The following FAM200B variants were observed in gnomAD, a reference collection of about 807,000 sequenced individuals.
FAM200B encodes the protein protein FAM200B.
Under a neutral mutation model 33.1 loss-of-function variants are expected in FAM200B, and 32 were observed. That is an observed-to-expected ratio of 0.97 (90% CI 0.73 to 1.30). The LOEUF (loss-of-function observed/expected upper bound fraction) is 1.30, where lower values mean the gene tolerates loss of function less well. Among genes scored for constraint, FAM200B ranks in the 50% most tolerant of loss-of-function variants. The probability of loss-of-function intolerance (pLI) is 0.00; values close to 1 mark genes in which losing one functional copy is unlikely to be tolerated. For missense variants in FAM200B, 741 were observed against 754.0 expected (o/e 0.98, Z 0.20); for synonymous variants, 240 against 264.8 (o/e 0.91, Z 0.91).
chr4:15,677,862 C>T (rs1718052733), upstream of FAM200B, among the ~76,000 whole-genome samples: 1 of 152,114 alleles, frequency 6.6e-6, no homozygotes, highest in Non-Finnish European at 1.5e-5. Context: ...GGAAGAAGTC[C>T]AAGTAGGTTG....
At chr4:15,663,784 T>C in the FAM200B span, among the ~76,000 whole-genome samples, 1 of 152,338 alleles carries the variant, frequency 6.6e-6, no homozygotes, top group South Asian at 2.1e-4. Context: ...ACAGATTCAG[T>C]AAGTCCAAAA....
chr4:15,640,023 G>T, the FAM200B span, among the ~76,000 whole-genome samples: 1 of 152,076 alleles, frequency 6.6e-6, no homozygotes, highest in Non-Finnish European at 1.5e-5. Context: ...ATGTACAGTA[G>T]GCTTAAGATA....
chr4:15,637,506 C>T, the FAM200B span, among the ~76,000 whole-genome samples: 1 of 152,144 alleles, frequency 6.6e-6, no homozygotes, highest in Admixed American at 6.5e-5. Flanking sequence ...GCTATGATCA[C>T]ATTCTTTAAA....
chr4:15,682,382 T>A (rs1033221891), intron 1 of FAM200B, among the ~76,000 whole-genome samples: 1 of 152,044 alleles, frequency 6.6e-6, no homozygotes, highest in Non-Finnish European at 1.5e-5. Flanking sequence ...AGAAAAAAGG[T>A]AGAAACAAAA....
At position 15,687,198 on chromosome 4, in the gene FAM200B, A is replaced by G; in HGVS notation, c.221A>G (p.Lys74Arg). The change falls in exon 2 of 2, where the codon AAA becomes AGA. Residue 74 changes from lysine (K) to arginine (R), a missense_variant. Coordinates refer to ENST00000422728, the MANE Select transcript of FAM200B (RefSeq NM_001145191.2). ...NEDYLKYGFI[K>R]CEKPFENDRP... ...GATTACTTAAAATATGGCTTTATCA[A>G]ATGTGAAAAACCCTTTGAAAATGAC... The G allele has an allele frequency of 6.5e-7, 1 of 1,538,190 alleles. No individual in the cohort carries two copies. The highest frequency in any genetic ancestry group is 8.8e-7 in the Non-Finnish European group (1 of 1,140,844).
chr4:15,687,539 G>T lies in FAM200B; in HGVS notation c.562G>T (p.Ala188Ser). 4 of 1,550,370 alleles carry T rather than the reference G, an allele frequency of 2.6e-6. No individual in the cohort carries two copies. Among genetic ancestry groups the T allele is most frequent in the Non-Finnish European group, 3.5e-6 (4 of 1,146,356 alleles). Residue 188 changes from alanine (A) to serine (S), a missense_variant, in exon 2 of 2, where the codon GCT becomes TCT. Coordinates refer to ENST00000422728, the MANE Select transcript of FAM200B (RefSeq NM_001145191.2). ...MVRTIFDDKS[A>S]DKLKTIPNDN... ...GCGTACAATATTTGATGATAAATCA[G>T]CTGATAAATTAAAAACTATACCTAA...
chr4:15,662,133 A>T, the FAM200B span, among the ~76,000 whole-genome samples: 1 of 150,574 alleles, frequency 6.6e-6, no homozygotes, highest in Non-Finnish European at 1.5e-5. Context: ...CAACCCCAGT[A>T]CAGTGTGGGA....
chr4:15,652,359 C>T, the FAM200B span, among the ~76,000 whole-genome samples: 1 of 152,160 alleles, frequency 6.6e-6, no homozygotes, highest in African/African-American at 2.4e-5. Flanking sequence ...CTACCACTAG[C>T]TGCTTATGTA....
the FAM200B span, among the ~76,000 whole-genome samples, chr4:15,645,191 T>C: frequency 6.6e-6 from 1 of 152,054 alleles, no homozygotes; most frequent in African/African-American, 2.4e-5. Context: ...AGCTGTCTTA[T>C]TGCCTATTAT....
chr4:15,665,958 T>A, the FAM200B span, among the ~76,000 whole-genome samples: 1 of 151,972 alleles, frequency 6.6e-6, no homozygotes, highest in African/African-American at 2.4e-5. Flanking sequence ...GGAAGCTGAA[T>A]CACTTCCTTG....
At chr4:15,654,447 A>T in the FAM200B span, among the ~76,000 whole-genome samples, 2 of 152,198 alleles carry the variant, frequency 1.3e-5, no homozygotes. Flanking sequence ...TGGTTCTCAC[A>T]GTTAAACCAA....
chr4:15,673,568 T>C, the FAM200B span, among the ~76,000 whole-genome samples: 1 of 152,216 alleles, frequency 6.6e-6, no homozygotes, highest in Non-Finnish European at 1.5e-5. Context: ...TCCAGCTCCA[T>C]TATAATCTTA....
the FAM200B span, among the ~76,000 whole-genome samples, chr4:15,664,550 C>CTTT: frequency 0.011 from 794 of 75,478 alleles, 8 homozygotes; most frequent in East Asian, 0.015. Context: ...GGCCCTCATC[C>CTTT]TTTTTTTTTT....
chr4:15,674,429 T>C, the FAM200B span, among the ~76,000 whole-genome samples: 9 of 152,140 alleles, frequency 5.9e-5, no homozygotes, highest in African/African-American at 2.2e-4. Flanking sequence ...CATAGCACAC[T>C]CATCACTTTA....
the FAM200B span, among the ~76,000 whole-genome samples, chr4:15,639,969 A>G: frequency 0.28 from 42,865 of 152,082 alleles, 6,268 homozygotes; most frequent in East Asian, 0.47. Flanking sequence ...GACAGAAGAA[A>G]AAGGGAAAAC....
the FAM200B span, among the ~76,000 whole-genome samples, chr4:15,668,461 ATT>A: frequency 1.7e-4 from 26 of 150,160 alleles, no homozygotes; most frequent in Middle Eastern, 6.9e-3. Context: ...ACATTCTTTT[ATT>A]TTTTTTTGTA....
Position 15,686,941 on chromosome 4 carries a change from T to C in FAM200B, c.-37T>C. Reference sequence around the variant, plus strand: ...TTCTTTTTTGAGTTAGTGCCAATTATAACATTTTAATCAAACTGGAACAAA... The same window carrying C: ...TTCTTTTTTGAGTTAGTGCCAATTACAACATTTTAATCAAACTGGAACAAA... On this transcript the variant is annotated 5_prime_UTR_variant, in exon 2 of 2. Transcript: ENST00000422728. The C allele has an allele frequency of 1.3e-5, 14 of 1,115,650 alleles. No homozygotes were observed. The highest frequency in any genetic ancestry group is 1.6e-5 in the African/African-American group (1 of 62,700). The allele number at this position is 1,115,650 out of a possible 1,614,324, so 69.1% of individuals were successfully genotyped here.
chr4:15,644,251 T>C, the FAM200B span, among the ~76,000 whole-genome samples: 1 of 152,224 alleles, frequency 6.6e-6, no homozygotes, highest in Non-Finnish European at 1.5e-5. Context: ...ACTTTGCCCC[T>C]TGGATATAAA....
chr4:15,689,120 C>T lies in FAM200B; in HGVS notation c.*169C>T, dbSNP rs1314504165. Reference sequence around the variant, plus strand: ...CATTGAACAAAAATTTAATGAATTTCTGTTAGAGGCCAGGAACTATTCTAG... The same window carrying T: ...CATTGAACAAAAATTTAATGAATTTTTGTTAGAGGCCAGGAACTATTCTAG... On this transcript the variant is annotated 3_prime_UTR_variant, in exon 2 of 2. Transcript: ENST00000422728. The T allele has an allele frequency of 6.0e-6, 3 of 499,002 alleles. No homozygotes were observed. The highest frequency in any genetic ancestry group is 9.9e-6 in the Non-Finnish European group (3 of 301,716). The allele number at this position is 499,002 out of a possible 1,614,324, so 30.9% of individuals were successfully genotyped here.
Sources: gnomAD v4.1 joint callset for allele counts (sites outside exome capture counted in the v4.1 genomes callset) on GRCh38, gnomAD v4.1.1 for gene constraint, MANE v1.5 for transcripts, NCBI Gene and HGNC (gene_info 2026-07-23, HGNC 2026-07-21) for gene names.